BCAS3: variants seen among roughly 807,000 people sequenced by gnomAD.
BCAS3 encodes BCAS3 microtubule associated cell migration factor.
A neutral mutation model predicts 116.1 loss-of-function variants in BCAS3; 53 were observed. The observed-to-expected ratio is 0.46, with a 90% confidence interval of 0.37 to 0.57. BCAS3 has a LOEUF of 0.57. Among genes scored for constraint, BCAS3 ranks in the 20% least tolerant of loss-of-function variants. The probability of loss-of-function intolerance (pLI) is 0.00; values close to 1 mark genes in which losing one functional copy is unlikely to be tolerated. For missense variants in BCAS3, 917 were observed against 1,165.4 expected (o/e 0.79, Z 3.10); for synonymous variants, 391 against 408.2 (o/e 0.96, Z 0.51).
At chr17:60,787,522 A>G (rs1471668760) in intron 6 of BCAS3, among the ~76,000 whole-genome samples, 2 of 152,208 alleles carry the variant, frequency 1.3e-5, no homozygotes, top group Non-Finnish European at 2.9e-5. Context: ...TTCTCATGCA[A>G]GTCTTTTTGC....
chr17:60,975,153 C>T (rs1020341307), intron 14 of BCAS3, among the ~76,000 whole-genome samples: 2 of 151,706 alleles, frequency 1.3e-5, no homozygotes, highest in African/African-American at 4.9e-5. Flanking sequence ...AGGCGCCCGC[C>T]ACCGCGCCCG....
At position 61,151,023 on chromosome 17, in the gene BCAS3, C is replaced by T. The variant is rs954833309; in HGVS notation, c.2425+66459C>T. On this transcript the variant is annotated intron_variant, in intron 22 of 23. Coordinates refer to ENST00000407086, the MANE Select transcript of BCAS3 (RefSeq NM_017679.5). The surrounding 1 kb of genome is among the most constrained non-coding windows in gnomAD (Gnocchi z 4.8). ...GGAGCCACAGACTTCTGTGTAGCCA[C>T]ATCTAGACAACTGAATTTCACTTAC... Among the ~76,000 whole-genome samples, 16 of 152,202 alleles carry T rather than the reference C, an allele frequency of 1.1e-4. No homozygotes were observed. Among genetic ancestry groups the T allele is most frequent in the African/African-American group, 3.9e-4 (16 of 41,452 alleles).
intron 19 of BCAS3, chr17:61,069,915 C>T (rs769497517): frequency 4.7e-6 from 7 of 1,494,464 alleles, no homozygotes; most frequent in African/African-American, 4.1e-5. Context: ...CTCCTAAAGC[C>T]GAAGCCAAAG....
At position 60,925,485 on chromosome 17, in the gene BCAS3, A is replaced by G. The variant is rs113959497; in HGVS notation, c.1087+985A>G. 3.8e-3 allele frequency among the ~76,000 whole-genome samples: 579 copies of G among 152,282 alleles called. 3 individuals are homozygous for G. The highest frequency in any genetic ancestry group is 0.013 in the African/African-American group (551 of 41,560). On this transcript the variant is annotated intron_variant, in intron 13 of 23. Coordinates refer to ENST00000407086, the MANE Select transcript of BCAS3 (RefSeq NM_017679.5). ...TTGGAAATAGGTTTTTCTTATGGAG[A>G]TTAACAAGTACTCTACAGTATGTCA...
At chr17:60,985,450 A>G (rs2063081953) in intron 14 of BCAS3, among the ~76,000 whole-genome samples, 1 of 152,094 alleles carries the variant, frequency 6.6e-6, no homozygotes, top group East Asian at 1.9e-4. Context: ...CCTGGTCCCA[A>G]TTATATTCTT....
In BCAS3 at chr17:60,902,650, G is replaced by T; in HGVS notation, c.769G>T (p.Ala257Ser). ...LIRCHQSRGGACGDNIQSYTA... is the reference protein window; with the variant it reads ...LIRCHQSRGGSCGDNIQSYTA... ...TCGATGTCATCAGTCCCGTGGTGGA[G>T]CCTGTGGAGACAACATTCAGTCTTA... is the stretch of plus-strand genomic sequence containing the variant. The change falls in exon 11 of 24, where the codon GCC becomes TCC. Residue 257 changes from alanine to serine, a missense_variant. Coordinates refer to ENST00000407086, the MANE Select transcript of BCAS3 (RefSeq NM_017679.5). 1 of 1,613,092 alleles carries T rather than the reference G, an allele frequency of 6.2e-7. No individual in the cohort carries two copies. Among genetic ancestry groups the T allele is most frequent in the Non-Finnish European group, 8.5e-7 (1 of 1,179,126 alleles).
intron 5 of BCAS3, among the ~76,000 whole-genome samples, chr17:60,715,031 T>C (rs1331204223): frequency 1.3e-5 from 2 of 152,162 alleles, no homozygotes; most frequent in East Asian, 3.8e-4. Flanking sequence ...TTAAAATTCT[T>C]AATTAAAAAA....
intron 22 of BCAS3, among the ~76,000 whole-genome samples, chr17:61,094,670 C>G (rs903729270): frequency 2.6e-5 from 4 of 152,114 alleles, no homozygotes; most frequent in Non-Finnish European, 4.4e-5. Context: ...CATGGTGAAA[C>G]CCTGTCTCTA....
At position 61,388,819 on chromosome 17, in the gene BCAS3, C is replaced by A. The variant is rs541022661; in HGVS notation, c.2594-3158C>A. 1.1e-4 allele frequency: 112 copies of A among 1,065,486 alleles called. No individual in the cohort carries two copies. Among genetic ancestry groups the A allele is most frequent in the Admixed American group, 8.6e-4 (34 of 39,530 alleles). 66.0% of individuals were successfully genotyped at this position (1,065,486 alleles called of 1,614,324 possible). On this transcript the variant is annotated intron_variant, in intron 23 of 23. Transcript: ENST00000407086. The surrounding 1 kb of genome is among the most constrained non-coding windows in gnomAD (Gnocchi z 6.5). ...TCCCCTCCACTTCCCACACACACCC[C>A]TGCCTGCAGGGGGAGGAGCAGAAGG...
intron 19 of BCAS3, among the ~76,000 whole-genome samples, chr17:61,074,567 C>A (rs1269896782): frequency 6.6e-6 from 1 of 152,166 alleles, no homozygotes; most frequent in Non-Finnish European, 1.5e-5. Flanking sequence ...TTATGCCTAG[C>A]ATTTATATGA....
At position 61,324,843 on chromosome 17, in the gene BCAS3, A is replaced by C. The variant is rs2055597167; in HGVS notation, c.2426-43484A>C. 6.6e-6 allele frequency among the ~76,000 whole-genome samples: 1 copy of C among 152,052 alleles called. No individual in the cohort carries two copies. The highest frequency in any genetic ancestry group is 1.5e-5 in the Non-Finnish European group (1 of 68,010). ...CTATGAAAAAAAAAAAAAAAGAAGA[A>C]ACAAAAAAGAAGATGTAGACTGTGT... On this transcript the variant is annotated intron_variant, in intron 22 of 23. Coordinates refer to ENST00000407086, the MANE Select transcript of BCAS3 (RefSeq NM_017679.5). This position sits in a 1 kb window ranked among gnomAD's most constrained non-coding sequence, Gnocchi z 4.6.
chr17:60,990,333 A>T lies in BCAS3; in HGVS notation c.1486+98A>T. 7.7e-7 allele frequency: 1 copy of T among 1,301,870 alleles called. No homozygotes were observed. Among genetic ancestry groups the T allele is most frequent in the Non-Finnish European group, 1.1e-6 (1 of 947,280 alleles). The allele number at this position is 1,301,870 out of a possible 1,614,324, so 80.6% of individuals were successfully genotyped here. On this transcript the variant is annotated intron_variant, in intron 15 of 23. Transcript: ENST00000407086. This position sits in a 1 kb window ranked among gnomAD's most constrained non-coding sequence, Gnocchi z 5.1. Reference sequence around the variant, plus strand: ...AAACTAAACTTGTTATAGTCTGTTCATGTAAAAAGAAGATCTTAGGCTTAT... The same window carrying T: ...AAACTAAACTTGTTATAGTCTGTTCTTGTAAAAAGAAGATCTTAGGCTTAT...
intron 12 of BCAS3, among the ~76,000 whole-genome samples, chr17:60,920,688 G>C (rs2059024276): frequency 6.6e-6 from 1 of 152,122 alleles, no homozygotes; most frequent in African/African-American, 2.4e-5. Context: ...GGCTAACACA[G>C]TGAAATCCCG....
intron 22 of BCAS3, among the ~76,000 whole-genome samples, chr17:61,170,335 C>T (rs1429445723): frequency 1.4e-4 from 22 of 151,902 alleles, no homozygotes; most frequent in Non-Finnish European, 2.9e-4. Context: ...CTCTGTCGCC[C>T]AGGCTGGAGT....
rs1479157135 is a variant in BCAS3 at position 61,098,769 on chromosome 17, A to C, written c.2425+14205A>C. ...TGCCAAATGAAAACGGTAAAAGTGG[A>C]AGCATGAAACACCTTAACAGTAGGT... On this transcript the variant is annotated intron_variant, in intron 22 of 23. Coordinates refer to ENST00000407086, the MANE Select transcript of BCAS3 (RefSeq NM_017679.5). This position sits in a 1 kb window ranked among gnomAD's most constrained non-coding sequence, Gnocchi z 4.2. Among the ~76,000 whole-genome samples the C allele has an allele frequency of 6.6e-6, 1 of 152,134 alleles. No individual in the cohort carries two copies.
intron 7 of BCAS3, among the ~76,000 whole-genome samples, chr17:60,832,135 C>T (rs1347797458): frequency 6.6e-6 from 1 of 152,104 alleles, no homozygotes; most frequent in Non-Finnish European, 1.5e-5. Context: ...TTATTAAACA[C>T]TGTAAATGCC....
intron 7 of BCAS3, among the ~76,000 whole-genome samples, chr17:60,862,827 A>G (rs1432366671): frequency 6.7e-6 from 1 of 150,036 alleles, no homozygotes; most frequent in East Asian, 2.0e-4. Context: ...TTTGTCAGAT[A>G]TATATTTTTG....
At chr17:61,043,797 A>G (rs149033247) in intron 19 of BCAS3, among the ~76,000 whole-genome samples, 320 of 152,206 alleles carry the variant, frequency 2.1e-3, no homozygotes, top group African/African-American at 7.5e-3. Flanking sequence ...TTATTGTAAA[A>G]TAAAACTTCT....
chr17:61,007,454 T>C lies in BCAS3; in HGVS notation c.1487-8297T>C, dbSNP rs2064795106. Among the ~76,000 whole-genome samples the C allele has an allele frequency of 6.6e-6, 1 of 152,094 alleles. No homozygotes were observed. Among genetic ancestry groups the C allele is most frequent in the African/African-American group, 2.4e-5 (1 of 41,444 alleles). On this transcript the variant is annotated intron_variant, in intron 15 of 23. Transcript: ENST00000407086. The surrounding 1 kb of genome is among the most constrained non-coding windows in gnomAD (Gnocchi z 4.3). ...GAAAAGAAAAATACTTAAATTTGTATGTTGTAGTAGCCAACACATTCAGAT... is the reference window on the plus strand; with the variant it reads ...GAAAAGAAAAATACTTAAATTTGTACGTTGTAGTAGCCAACACATTCAGAT...
Sources: allele counts gnomAD v4.1 joint callset (sites outside exome capture counted in the v4.1 genomes callset), GRCh38; gene constraint gnomAD v4.1.1; non-coding constraint Gnocchi (gnomAD v3.1); transcripts MANE v1.5; gene names NCBI Gene and HGNC (gene_info 2026-07-23, HGNC 2026-07-21).